Variants in PAK5 observed in about 807,000 individuals in gnomAD.
The protein encoded by PAK5 is serine/threonine-protein kinase PAK 5.
Under a neutral mutation model 65.9 loss-of-function variants are expected in PAK5, and 16 were observed. The ratio of observed to expected loss-of-function variants is 0.24; its 90% CI spans 0.16 to 0.37. The LOEUF is 0.37. Ranked by LOEUF, PAK5 falls within the 10% of genes least tolerant of loss-of-function variation. The probability of loss-of-function intolerance (pLI) is 1.00; values close to 1 mark genes in which losing one functional copy is unlikely to be tolerated. For missense variants in PAK5, 785 were observed against 903.9 expected, an observed-to-expected ratio of 0.87 and a Z score of 1.69; for synonymous variants, 371 against 354.9, an observed-to-expected ratio of 1.05 and a Z score of -0.51.
intron 1 of PAK5, among the ~76,000 whole-genome samples, chr20:9,747,640 T>C (rs1307327588): frequency 3.9e-5 from 6 of 151,910 alleles, no homozygotes; most frequent in Admixed American, 3.9e-4. Flanking sequence ...CAACAAACCT[T>C]CATGCTAAAA....
chr20:9,562,241 A>G (rs2045602368), intron 6 of PAK5, among the ~76,000 whole-genome samples: 1 of 152,146 alleles, frequency 6.6e-6, no homozygotes, highest in Non-Finnish European at 1.5e-5. Context: ...CTCATCAGTG[A>G]TGTCCCTGAG....
intron 2 of PAK5, among the ~76,000 whole-genome samples, chr20:9,684,709 C>T (rs1029289464): frequency 6.6e-6 from 1 of 152,280 alleles, no homozygotes; most frequent in Non-Finnish European, 1.5e-5. Flanking sequence ...ACACTCATTC[C>T]TGCTGAATGT....
chr20:9,644,349 ATAAATG>A lies in PAK5; in HGVS notation c.-11-16_-11-11del. The A allele has an allele frequency of 6.3e-7, 1 of 1,591,676 alleles. No individual in the cohort carries two copies. The highest frequency in any genetic ancestry group is 8.6e-7 in the Non-Finnish European group (1 of 1,162,080). ...AACATGATGCCAAAACCTGGGAAATATAAATGGAAAAGAGGCAGCCATTTATATCTT... is the reference window on the plus strand; with the variant it reads ...AACATGATGCCAAAACCTGGGAAATAGAAAAGAGGCAGCCATTTATATCTT... On this transcript the variant is annotated splice_polypyrimidine_tract_variant and intron_variant, in intron 2 of 9. Transcript: ENST00000353224.
Position 9,544,375 on chromosome 20 carries a change from C to T in PAK5, c.1863G>A (p.Gly621=), listed in dbSNP as rs953988387. 1.2e-6 allele frequency: 2 copies of T among 1,613,838 alleles called. No individual in the cohort carries two copies. The highest frequency in any genetic ancestry group is 1.7e-6 in the Non-Finnish European group (2 of 1,179,960). Reference sequence around the variant, plus strand: ...ATGACTGTGACCCCCTTACCTCTGTCCCATAAGGTAGCCTAGAAATCACCT... The same window carrying T: ...ATGACTGTGACCCCCTTACCTCTGTTCCATAAGGTAGCCTAGAAATCACCT... The part of the protein sequence containing the change: ...APEVISRLPY[G]TEVDIWSLGI... Residue 621 remains glycine, a synonymous_variant, in exon 8 of 10, where the codon GGG becomes GGA. Coordinates refer to ENST00000353224, the MANE Select transcript of PAK5 (RefSeq NM_177990.4).
intron 3 of PAK5, among the ~76,000 whole-genome samples, chr20:9,608,489 G>A (rs1272075371): frequency 6.6e-6 from 1 of 152,166 alleles, no homozygotes; most frequent in African/African-American, 2.4e-5. Context: ...ATTTGAACTG[G>A]CAAGTAATCC....
intron 2 of PAK5, among the ~76,000 whole-genome samples, chr20:9,678,771 T>C (rs2423415): frequency 6.6e-6 from 1 of 151,894 alleles, no homozygotes; most frequent in Non-Finnish European, 1.5e-5. Flanking sequence ...CCATTAAATC[T>C]CATGAGAACT....
chr20:9,755,774 A>C (rs1000753486), intron 1 of PAK5, among the ~76,000 whole-genome samples: 11 of 152,212 alleles, frequency 7.2e-5, no homozygotes, highest in Admixed American at 7.2e-4. Flanking sequence ...GATGAAATGC[A>C]CCAAAAAGTG....
chr20:9,833,742 T>C (rs999050848), intron 1 of PAK5, among the ~76,000 whole-genome samples: 3 of 152,234 alleles, frequency 2.0e-5, no homozygotes, highest in African/African-American at 7.2e-5. Flanking sequence ...CTGGGAAAAA[T>C]AACCGTTTCA....
intron 1 of PAK5, among the ~76,000 whole-genome samples, chr20:9,802,933 T>TATATATATATATATATATATATAG (rs2049188773): frequency 7.6e-6 from 1 of 131,100 alleles, no homozygotes; most frequent in African/African-American, 2.8e-5. Flanking sequence ...TATATATATA[T>TATATATATATATATATATATATAG]GAATTACTAA....
intron 7 of PAK5, among the ~76,000 whole-genome samples, chr20:9,555,265 T>C (rs958088074): frequency 1.6e-4 from 24 of 152,290 alleles, no homozygotes; most frequent in African/African-American, 5.5e-4. Flanking sequence ...TTATGTGAGC[T>C]CTTTACAGGG....
intron 1 of PAK5, among the ~76,000 whole-genome samples, chr20:9,715,172 C>T (rs1292719120): frequency 1.3e-5 from 2 of 152,176 alleles, no homozygotes; most frequent in Non-Finnish European, 2.9e-5. Flanking sequence ...TATCCACAAT[C>T]TACAAAGAAC....
intron 2 of PAK5, among the ~76,000 whole-genome samples, chr20:9,690,750 C>CTTTTTTTTTTTTTT (rs112955560): frequency 8.7e-5 from 9 of 103,976 alleles, no homozygotes; most frequent in African/African-American, 1.2e-4. Flanking sequence ...TTCTTTCTTT[C>CTTTTTTTTTTTTTT]TTTTTTTTTT....
chr20:9,816,384 C>T (rs937391466), intron 1 of PAK5, among the ~76,000 whole-genome samples: 1 of 152,068 alleles, frequency 6.6e-6, no homozygotes, highest in African/African-American at 2.4e-5. Context: ...CGCAGAATGC[C>T]CACATATCTG....
intron 1 of PAK5, among the ~76,000 whole-genome samples, chr20:9,788,485 T>C (rs1160042099): frequency 6.6e-6 from 1 of 151,938 alleles, no homozygotes; most frequent in Non-Finnish European, 1.5e-5. Context: ...AGAGGGAATA[T>C]GATGAAAAGA....
intron 3 of PAK5, among the ~76,000 whole-genome samples, chr20:9,638,143 G>A (rs2047004860): frequency 6.6e-6 from 1 of 152,186 alleles, no homozygotes; most frequent in Non-Finnish European, 1.5e-5. Flanking sequence ...CTAAGTTTGA[G>A]AATTACTGGC....
chr20:9,603,307 C>G (rs575495430), intron 3 of PAK5, among the ~76,000 whole-genome samples: 1 of 152,184 alleles, frequency 6.6e-6, no homozygotes, highest in African/African-American at 2.4e-5. Context: ...CAAGCTTTAC[C>G]TGGAAGAGAG....
chr20:9,582,194 C>T (rs934051099), intron 3 of PAK5, among the ~76,000 whole-genome samples: 2 of 152,162 alleles, frequency 1.3e-5, no homozygotes, highest in Admixed American at 6.5e-5. Flanking sequence ...TAAGGAAACT[C>T]CATGTTCCTA....
At chr20:9,789,547 T>C (rs2049027672) in intron 1 of PAK5, among the ~76,000 whole-genome samples, 1 of 152,160 alleles carries the variant, frequency 6.6e-6, no homozygotes, top group South Asian at 2.1e-4. Flanking sequence ...ACTTTTTCCA[T>C]TATTAAGAGT....
chr20:9,612,213 T>C (rs970341965), intron 3 of PAK5, among the ~76,000 whole-genome samples: 1 of 152,162 alleles, frequency 6.6e-6, no homozygotes, highest in African/African-American at 2.4e-5. Flanking sequence ...TACACGCGGC[T>C]CCAGTTCTCA....
Sources: allele counts gnomAD v4.1 joint callset (sites outside exome capture counted in the v4.1 genomes callset), GRCh38; gene constraint gnomAD v4.1.1; transcripts MANE v1.5; gene names NCBI Gene and HGNC (gene_info 2026-07-23, HGNC 2026-07-21).